RAP1GAP: variants seen among roughly 807,000 people sequenced by gnomAD.
RAP1GAP encodes the protein rap1 GTPase-activating protein 1.
RAP1GAP carries 35 observed loss-of-function variants against 87.2 expected under a neutral mutation model. The ratio of observed to expected loss-of-function variants is 0.40; its 90% CI spans 0.31 to 0.53. RAP1GAP has a LOEUF of 0.53. Among genes scored for constraint, RAP1GAP ranks in the 20% least tolerant of loss-of-function variants. The pLI is 0.48. For missense variants in RAP1GAP, 734 were observed against 898.9 expected (o/e 0.82, Z 2.35); for synonymous variants, 375 against 363.9 (o/e 1.03, Z -0.35).
At chr1:21,653,547 C>CTTA (rs1558896131) in intron 1 of RAP1GAP, among the ~76,000 whole-genome samples, 5 of 94,214 alleles carry the variant, frequency 5.3e-5, no homozygotes, top group South Asian at 3.4e-4. Context: ...GGAGGAACTT[C>CTTA]CTTCCTTCCT....
rs556952404 is a variant in RAP1GAP at position 21,610,143 on chromosome 1, C to A, written c.976G>T (p.Gly326Cys). ...AYVVVQAEGG[G>C]PDGPLYKVSV... Reference sequence around the variant, plus strand: ...ACCTTGTAGAGGGGGCCATCAGGGCCCCCGCCCTCAGCCTGCACCACGACG... The same window carrying A: ...ACCTTGTAGAGGGGGCCATCAGGGCACCCGCCCTCAGCCTGCACCACGACG... Residue 326 changes from glycine to cysteine, a missense_variant, in exon 14 of 25, where the codon GGC becomes TGC. Physicochemically the swap from Gly to Cys is radical, Grantham distance 159. Around this residue, in one of 2 missense-constraint regions of RAP1GAP, gnomAD observed 485 missense variants for 646.2 expected, o/e 0.75. Transcript: ENST00000374765. 1 of 1,614,028 alleles carries A rather than the reference C, an allele frequency of 6.2e-7. No homozygotes were observed. The highest frequency in any genetic ancestry group is 8.5e-7 in the Non-Finnish European group (1 of 1,179,990).
intron 2 of RAP1GAP, among the ~76,000 whole-genome samples, chr1:21,630,562 T>C (rs1213968990): frequency 1.3e-5 from 2 of 151,224 alleles, no homozygotes; most frequent in African/African-American, 4.9e-5. Context: ...GACCTTTTGT[T>C]GTTGTTAAGA....
intron 1 of RAP1GAP, among the ~76,000 whole-genome samples, chr1:21,660,294 AG>A (rs1321420129): frequency 7.6e-6 from 1 of 130,742 alleles, no homozygotes; most frequent in Non-Finnish European, 1.6e-5. Context: ...CCAGTGAGGA[AG>A]GGCACAGGCT....
intron 23 of RAP1GAP, 80 bp from the exon 24 acceptor site, chr1:21,597,808 C>T: frequency 1.9e-6 from 3 of 1,567,918 alleles, no homozygotes; most frequent in Non-Finnish European, 2.6e-6. Flanking sequence ...CACAAAGTCA[C>T]TGGCTGTGTC....
At chr1:21,651,630 C>T (rs1180429769) in intron 1 of RAP1GAP, 2 of 788,834 alleles carry the variant, frequency 2.5e-6, no homozygotes, top group Non-Finnish European at 4.3e-6. Flanking sequence ...GACAGCCATG[C>T]GCGCACTGAG....
Position 21,609,665 on chromosome 1 carries a change from G to A in RAP1GAP, c.1000-19C>T. On this transcript the variant is annotated intron_variant, in intron 14 of 24. Transcript: ENST00000374765. The surrounding 1 kb of genome is among the most constrained non-coding windows in gnomAD (Gnocchi z 4.4). ...CAGAGACCTGGAAGGGAGGGCAGCTGTCTGTTCCTGTGGAGCCTGGGGTCT... is the reference window on the plus strand; with the variant it reads ...CAGAGACCTGGAAGGGAGGGCAGCTATCTGTTCCTGTGGAGCCTGGGGTCT... The A allele has an allele frequency of 1.3e-6, 2 of 1,546,892 alleles. No individual in the cohort carries two copies. The highest frequency in any genetic ancestry group is 1.7e-6 in the Non-Finnish European group (2 of 1,145,384).
At chr1:21,619,886 T>C (rs1424325096) in intron 4 of RAP1GAP, 129 bp downstream of exon 4, 10 of 972,108 alleles carry the variant, frequency 1.0e-5, no homozygotes, top group Non-Finnish European at 8.0e-6. Flanking sequence ...GGACAACCAA[T>C]AGCCACCATC....
intron 4 of RAP1GAP, among the ~76,000 whole-genome samples, chr1:21,619,415 G>T (rs2149791694): frequency 6.6e-6 from 1 of 151,686 alleles, no homozygotes; most frequent in African/African-American, 2.4e-5. Context: ...GAGAGAGGGG[G>T]AGGGAGAGGC....
In RAP1GAP at chr1:21,608,225, A is replaced by G. The variant is rs1384129415; in HGVS notation, c.1284T>C (p.Phe428=). ...TGGGGCCCTTCACCTTGAAAGACTC[A>G]AAGAAGCCGCCGCCCCCACTGCCAT... is the stretch of plus-strand genomic sequence containing the variant. The part of the protein sequence containing the change: ...MENGSGGGGF[F]ESFKRVIRSR... The change falls in exon 17 of 25, where the codon TTT becomes TTC. Residue 428 remains phenylalanine (F), a synonymous_variant. Coordinates refer to ENST00000374765, the MANE Select transcript of RAP1GAP (RefSeq NM_002885.4). 6.2e-7 allele frequency: 1 copy of G among 1,613,942 alleles called. No homozygotes were observed. The highest frequency in any genetic ancestry group is 2.2e-5 in the East Asian group (1 of 44,870).
At chr1:21,636,582 G>A (rs921332749) in intron 2 of RAP1GAP, among the ~76,000 whole-genome samples, 54 of 152,210 alleles carry the variant, frequency 3.5e-4, no homozygotes, top group African/African-American at 9.9e-4. Context: ...TGAGGCAGGC[G>A]GATCACCTGA....
chr1:21,657,659 C>T (rs2096918988), intron 1 of RAP1GAP, among the ~76,000 whole-genome samples: 1 of 152,186 alleles, frequency 6.6e-6, no homozygotes, highest in South Asian at 2.1e-4. Flanking sequence ...ATTTTCGGGG[C>T]AGTTGGACAA....
intron 18 of RAP1GAP, among the ~76,000 whole-genome samples, chr1:21,605,432 T>C (rs1464113884): frequency 6.6e-6 from 1 of 152,180 alleles, no homozygotes; most frequent in East Asian, 1.9e-4. Context: ...TCACACACGA[T>C]GTGCTCACAT....
intron 21 of RAP1GAP, among the ~76,000 whole-genome samples, chr1:21,599,029 C>T (rs998167086): frequency 9.2e-5 from 14 of 152,220 alleles, no homozygotes; most frequent in Non-Finnish European, 1.5e-4. Flanking sequence ...TAACCTACCC[C>T]GAGATTAGGA....
chr1:21,631,043 C>T (rs2093619725), intron 2 of RAP1GAP, among the ~76,000 whole-genome samples: 1 of 152,020 alleles, frequency 6.6e-6, no homozygotes, highest in South Asian at 2.1e-4. Flanking sequence ...ACAATGTGGT[C>T]GTTTCCTCCC....
intron 2 of RAP1GAP, among the ~76,000 whole-genome samples, chr1:21,638,706 A>G (rs2151204384): frequency 6.6e-6 from 1 of 152,350 alleles, no homozygotes; most frequent in East Asian, 1.9e-4. Context: ...GTTTATAATG[A>G]ACACTTAGTA....
chr1:21,599,419 C>T (rs2066347983), intron 21 of RAP1GAP, 75 bp downstream of exon 21: 1 of 1,541,218 alleles, frequency 6.5e-7, no homozygotes, highest in Admixed American at 2.0e-5. Context: ...CGTGGTTCTA[C>T]TCAGGGCATC....
intron 2 of RAP1GAP, among the ~76,000 whole-genome samples, chr1:21,645,188 G>T (rs1407236881): frequency 1.3e-5 from 2 of 152,196 alleles, no homozygotes; most frequent in Non-Finnish European, 2.9e-5. Context: ...ATGAACAAAT[G>T]ACCACAGCTC....
chr1:21,599,404 A>G (rs1024309974), intron 21 of RAP1GAP, 90 bp downstream of exon 21: 10 of 1,505,010 alleles, frequency 6.6e-6, no homozygotes, highest in African/African-American at 1.4e-5. Flanking sequence ...AGCCACGCCC[A>G]GGCTCGTGGT....
intron 3 of RAP1GAP, among the ~76,000 whole-genome samples, chr1:21,625,138 C>G (rs829408): frequency 0.83 from 127,050 of 152,182 alleles, 53,380 homozygotes; most frequent in East Asian, 0.97. Context: ...CCCCACGTGG[C>G]ACCCCCATGA....
Sources: allele counts gnomAD v4.1 joint callset (sites outside exome capture counted in the v4.1 genomes callset), GRCh38; gene constraint gnomAD v4.1.1; regional missense constraint gnomAD v4.1.1; non-coding constraint Gnocchi (gnomAD v3.1); transcripts MANE v1.5; gene names NCBI Gene and HGNC (gene_info 2026-07-23, HGNC 2026-07-21).